Variants in CRISP2 observed in about 807,000 individuals in gnomAD.
CRISP2 encodes cysteine-rich secretory protein 2.
CRISP2 carries 29 observed loss-of-function variants against 31.7 expected under a neutral mutation model. The ratio of observed to expected loss-of-function variants is 0.92; its 90% CI spans 0.68 to 1.25. The LOEUF (loss-of-function observed/expected upper bound fraction) is 1.25, where lower values mean the gene tolerates loss of function less well. Among genes scored for constraint, CRISP2 ranks in the 50% most tolerant of loss-of-function variants. The probability of loss-of-function intolerance (pLI) is 0.00; values close to 1 mark genes in which losing one functional copy is unlikely to be tolerated. For synonymous variants in CRISP2, 111 were observed against 101.4 expected (o/e 1.09, Z -0.57); for missense variants, 318 against 286.5 (o/e 1.11, Z -0.79).
intron 6 of CRISP2, 97 bp downstream of exon 6, chr6:49,699,707 T>C (rs1765336232): frequency 1.2e-6 from 1 of 849,090 alleles, no homozygotes. Context: ...ATAAGTAACA[T>C]TTATTTTCAA....
At chr6:49,702,659 T>C (rs1311730262) in intron 4 of CRISP2, among the ~76,000 whole-genome samples, 5 of 151,968 alleles carry the variant, frequency 3.3e-5, no homozygotes, top group Admixed American at 3.3e-4. Context: ...GGGATTTTTT[T>C]CTTCTGATTT....
chr6:49,701,848 T>G (rs1765943210), intron 4 of CRISP2, among the ~76,000 whole-genome samples: 1 of 87,024 alleles, frequency 1.1e-5, no homozygotes, highest in Non-Finnish European at 2.2e-5. Context: ...TAATATATAT[T>G]ATATAATATA....
chr6:49,695,742 A>G, intron 9 of CRISP2, 94 bp downstream of exon 9: 1 of 1,036,968 alleles, frequency 9.6e-7, no homozygotes, highest in Non-Finnish European at 1.4e-6. Flanking sequence ...ACATTATTTC[A>G]ATTCATTACG....
intron 6 of CRISP2, among the ~76,000 whole-genome samples, chr6:49,698,711 G>A (rs1765172455): frequency 6.6e-6 from 1 of 152,102 alleles, no homozygotes; most frequent in Non-Finnish European, 1.5e-5. Flanking sequence ...AGGTTGGCCT[G>A]ACCACATAAA....
intron 4 of CRISP2, among the ~76,000 whole-genome samples, chr6:49,702,824 T>A (rs1766329881): frequency 6.6e-6 from 1 of 152,170 alleles, no homozygotes; most frequent in African/African-American, 2.4e-5. Context: ...ATTTTTTATC[T>A]TTCTTTTTGT....
the CRISP2 span, among the ~76,000 whole-genome samples, chr6:49,682,119 C>G: frequency 6.6e-6 from 1 of 152,048 alleles, no homozygotes; most frequent in East Asian, 1.9e-4. Flanking sequence ...CTATACTATA[C>G]TATTTCATCC....
intron 8 of CRISP2, 150 bp from the exon 9 acceptor site, chr6:49,696,074 A>G: frequency 1.9e-6 from 1 of 531,714 alleles, no homozygotes; most frequent in Non-Finnish European, 3.4e-6. Flanking sequence ...TGTATTTCAG[A>G]TAACAATCCA....
the CRISP2 span, among the ~76,000 whole-genome samples, chr6:49,684,415 C>CT: frequency 6.6e-6 from 1 of 152,070 alleles, no homozygotes; most frequent in Non-Finnish European, 1.5e-5. Flanking sequence ...CTGTATAGTA[C>CT]TTTTTTCCTA....
intron 3 of CRISP2, among the ~76,000 whole-genome samples, chr6:49,709,439 G>A (rs1009535473): frequency 2.6e-5 from 4 of 152,140 alleles, no homozygotes; most frequent in African/African-American, 9.7e-5. Context: ...TGATGCCCTT[G>A]AGGTACATCT....
intron 9 of CRISP2, 150 bp from the exon 10 acceptor site, chr6:49,693,050 A>G: frequency 2.8e-6 from 2 of 716,224 alleles, no homozygotes; most frequent in South Asian, 1.9e-5. Flanking sequence ...TTATGGCTGC[A>G]TAGTATTCCA....
intron 6 of CRISP2, 121 bp downstream of exon 6, chr6:49,699,683 A>G (rs1436703980): frequency 1.1e-5 from 8 of 699,240 alleles, no homozygotes; most frequent in Non-Finnish European, 7.1e-6. Context: ...CTTTGACTTC[A>G]AAAAGACAGC....
intron 5 of CRISP2, among the ~76,000 whole-genome samples, chr6:49,700,190 T>G (rs1285479459): frequency 6.6e-6 from 1 of 152,170 alleles, no homozygotes; most frequent in East Asian, 1.9e-4. Flanking sequence ...GATAAGCATG[T>G]GAAATATTCT....
the CRISP2 span, among the ~76,000 whole-genome samples, chr6:49,680,523 T>TG: frequency 6.6e-6 from 1 of 152,216 alleles, no homozygotes; most frequent in African/African-American, 2.4e-5. Flanking sequence ...TACCCAGTAA[T>TG]GGGATTGCTG....
intron 4 of CRISP2, among the ~76,000 whole-genome samples, chr6:49,702,181 A>G (rs1262482739): frequency 3.4e-5 from 4 of 118,852 alleles, no homozygotes; most frequent in African/African-American, 1.3e-4. Flanking sequence ...ATATATATAT[A>G]TAACATTTTC....
chr6:49,679,441 A>C, the CRISP2 span, among the ~76,000 whole-genome samples: 4 of 152,162 alleles, frequency 2.6e-5, no homozygotes, highest in Admixed American at 6.6e-5. Context: ...TGTGATAAAA[A>C]TGTTGTTTTT....
chr6:49,708,983 T>C, intron 4 of CRISP2, 148 bp downstream of exon 4: 1 of 663,688 alleles, frequency 1.5e-6, no homozygotes, highest in Non-Finnish European at 2.7e-6. Flanking sequence ...GCCTTTCATC[T>C]CAATAATTGT....
chr6:49,699,771 A>T, intron 6 of CRISP2, 33 bp downstream of exon 6: 1 of 1,408,520 alleles, frequency 7.1e-7, no homozygotes, highest in Non-Finnish European at 1.0e-6. Flanking sequence ...TTATTCATTT[A>T]TTTATTCAAC....
the CRISP2 span, among the ~76,000 whole-genome samples, chr6:49,683,397 G>C: frequency 6.6e-6 from 1 of 150,924 alleles, no homozygotes; most frequent in African/African-American, 2.4e-5. Context: ...AGAAACAGCC[G>C]GGCGCAGTGG....
chr6:49,686,036 T>C, the CRISP2 span, among the ~76,000 whole-genome samples: 1 of 152,208 alleles, frequency 6.6e-6, no homozygotes, highest in Non-Finnish European at 1.5e-5. Flanking sequence ...CTTTCTAGTA[T>C]ACTCTATGTT....
Sources: gnomAD v4.1 joint callset for allele counts (sites outside exome capture counted in the v4.1 genomes callset) on GRCh38, gnomAD v4.1.1 for gene constraint, MANE v1.5 for transcripts, NCBI Gene and HGNC (gene_info 2026-07-23, HGNC 2026-07-21) for gene names.